Variants in BPTF observed in about 807,000 individuals in gnomAD.
The protein encoded by BPTF is nucleosome-remodeling factor subunit BPTF.
A neutral mutation model predicts 292.5 loss-of-function variants in BPTF; 18 were observed. The ratio of observed to expected loss-of-function variants is 0.06; its 90% CI spans 0.04 to 0.09. The LOEUF (loss-of-function observed/expected upper bound fraction) is 0.09, where lower values mean the gene tolerates loss of function less well. Among genes scored for constraint, BPTF ranks in the 10% least tolerant of loss-of-function variants. The pLI is 1.00. For missense variants in BPTF, 2,726 were observed against 3,498.7 expected (o/e 0.78, Z 5.57); for synonymous variants, 1,225 against 1,251.9 (o/e 0.98, Z 0.45).
chr17:67,911,492 C>T lies in BPTF; in HGVS notation c.3608C>T (p.Pro1203Leu). Residue 1203 changes from proline to leucine, a missense_variant, in exon 11 of 28, where the codon CCC becomes CTC. Around this residue, in one of 22 missense-constraint regions of BPTF, gnomAD observed 713 missense variants for 714.9 expected, o/e 1.00. Transcript: ENST00000306378. ...GACCTTGCCAGTAGAGGCCAGGAAC[C>T]CAGTAAGAGTAAAACAAAAGGAAAT... ...VSDLASRGQE[P>L]SKSKTKGNDF... 6.2e-7 allele frequency: 1 copy of T among 1,613,682 alleles called. No homozygotes were observed. Among genetic ancestry groups the T allele is most frequent in the South Asian group, 1.1e-5 (1 of 91,034 alleles).
At chr17:67,943,810 A>G (rs1263451567) in intron 19 of BPTF, among the ~76,000 whole-genome samples, 1 of 152,238 alleles carries the variant, frequency 6.6e-6, no homozygotes, top group African/African-American at 2.4e-5. Context: ...AAATATGAAT[A>G]TAAGATTATT....
chr17:67,954,313 A>G (rs1235649901), intron 23 of BPTF, among the ~76,000 whole-genome samples: 1 of 152,044 alleles, frequency 6.6e-6, no homozygotes, highest in African/African-American at 2.4e-5. Context: ...GATTACAGGC[A>G]TGAGCCACCG....
intron 1 of BPTF, among the ~76,000 whole-genome samples, chr17:67,837,418 T>G (rs1316953468): frequency 6.6e-6 from 1 of 152,088 alleles, no homozygotes; most frequent in Non-Finnish European, 1.5e-5. Context: ...GTTTTGTTTT[T>G]TTTTTTTGAG....
At chr17:67,857,719 G>A (rs1439898779) in intron 2 of BPTF, among the ~76,000 whole-genome samples, 1 of 151,460 alleles carries the variant, frequency 6.6e-6, no homozygotes, top group African/African-American at 2.4e-5. Flanking sequence ...TGCCCTTCTC[G>A]GCCTCTCAAA....
chr17:67,861,804 A>G (rs2059099028), intron 2 of BPTF, among the ~76,000 whole-genome samples: 1 of 152,332 alleles, frequency 6.6e-6, no homozygotes, highest in East Asian at 1.9e-4. Context: ...ATAAAAAGCA[A>G]ACCAAAGCAC....
chr17:67,945,001 C>T (rs997536738), intron 20 of BPTF, among the ~76,000 whole-genome samples: 2 of 152,054 alleles, frequency 1.3e-5, no homozygotes, highest in African/African-American at 4.8e-5. Context: ...AGGCATAGAC[C>T]TTCTGTACCA....
At chr17:67,941,050 A>C (rs1243084080) in intron 19 of BPTF, among the ~76,000 whole-genome samples, 1 of 152,224 alleles carries the variant, frequency 6.6e-6, no homozygotes, top group Non-Finnish European at 1.5e-5. Context: ...TTTTAGTGAA[A>C]CTTCACAAGC....
intron 23 of BPTF, among the ~76,000 whole-genome samples, chr17:67,952,320 G>A (rs1555678847): frequency 7.1e-6 from 1 of 141,320 alleles, no homozygotes; most frequent in African/African-American, 2.6e-5. Flanking sequence ...GCTGGAGCGT[G>A]TAGGGCCATC....
In BPTF at chr17:67,851,336, A is replaced by T. The variant is rs2058390443; in HGVS notation, c.614-2604A>T. On this transcript the variant is annotated intron_variant, in intron 1 of 27. Coordinates refer to ENST00000306378, the MANE Select transcript of BPTF (RefSeq NM_182641.4). ...AGACTGAAATAGAGATTTCTCTGAA[A>T]CAGTGCTGGATGAACGCCTCAAGGG... 2.6e-5 allele frequency among the ~76,000 whole-genome samples: 4 copies of T among 151,748 alleles called. No homozygotes were observed. The South Asian group carries it at 8.3e-4, about 31-fold the overall frequency.
intron 19 of BPTF, among the ~76,000 whole-genome samples, chr17:67,941,325 C>T (rs960514309): frequency 7.9e-5 from 12 of 152,050 alleles, no homozygotes; most frequent in Admixed American, 3.3e-4. Context: ...TGGTGGCATG[C>T]GCTTGTAATC....
intron 1 of BPTF, among the ~76,000 whole-genome samples, chr17:67,829,393 G>A (rs542616396): frequency 3.3e-5 from 5 of 151,934 alleles, no homozygotes; most frequent in South Asian, 2.1e-4. Context: ...GAACGTGCAG[G>A]TTTGTTGCAT....
At chr17:67,844,341 A>G (rs1199927772) in intron 1 of BPTF, among the ~76,000 whole-genome samples, 2 of 148,950 alleles carry the variant, frequency 1.3e-5, no homozygotes, top group Non-Finnish European at 3.0e-5. Flanking sequence ...TCTATCTCCT[A>G]GGTTCACGCC....
chr17:67,925,698 T>C (rs2063810420), intron 15 of BPTF, among the ~76,000 whole-genome samples: 1 of 152,194 alleles, frequency 6.6e-6, no homozygotes, highest in Non-Finnish European at 1.5e-5. Context: ...AACATAGTTA[T>C]ACATAACTAT....
chr17:67,948,131 A>C lies in BPTF; in HGVS notation c.7751A>C (p.Lys2584Thr). ...VMKYILDKID[K>T]EEKQAAKKRK... Reference sequence around the variant, plus strand: ...AAGTATATTTTGGATAAGATAGATAAAGAAGAAAAACAGGCAGCAAAAAAA... The same window carrying C: ...AAGTATATTTTGGATAAGATAGATACAGAAGAAAAACAGGCAGCAAAAAAA... The change falls in exon 23 of 28, where the codon AAA becomes ACA. Residue 2584 changes from lysine to threonine, a missense_variant. By Grantham distance (78) the Lys-to-Thr change is moderately conservative. Transcript: ENST00000306378. 1 of 1,614,232 alleles carries C rather than the reference A, an allele frequency of 6.2e-7. No individual in the cohort carries two copies. The highest frequency in any genetic ancestry group is 8.5e-7 in the Non-Finnish European group (1 of 1,180,028).
intron 11 of BPTF, among the ~76,000 whole-genome samples, chr17:67,916,195 G>A (rs1436831374): frequency 6.6e-6 from 1 of 152,202 alleles, no homozygotes; most frequent in African/African-American, 2.4e-5. Flanking sequence ...ACACAGTGGA[G>A]AAAGTAATGG....
chr17:67,933,394 A>AC (rs1269689753), intron 18 of BPTF, among the ~76,000 whole-genome samples: 1 of 151,812 alleles, frequency 6.6e-6, no homozygotes, highest in Non-Finnish European at 1.5e-5. Flanking sequence ...ACATAGGGAG[A>AC]CCCCATCTCT....
At chr17:67,944,462 T>G in intron 20 of BPTF, 90 bp downstream of exon 20, 1 of 1,430,082 alleles carries the variant, frequency 7.0e-7, no homozygotes, top group Non-Finnish European at 9.6e-7. Context: ...GTATTTACCT[T>G]TGGAAGGATA....
intron 26 of BPTF, among the ~76,000 whole-genome samples, chr17:67,969,020 G>C (rs1328284375): frequency 6.6e-6 from 1 of 151,120 alleles, no homozygotes; most frequent in African/African-American, 2.5e-5. Context: ...AAAGAAGATA[G>C]GCCAGGCACA....
intron 1 of BPTF, among the ~76,000 whole-genome samples, chr17:67,849,024 C>G (rs1405040582): frequency 6.6e-6 from 1 of 152,192 alleles, no homozygotes; most frequent in Non-Finnish European, 1.5e-5. Context: ...CTTCAGCTTC[C>G]CTTTGCATCA....
Sources: allele counts gnomAD v4.1 joint callset (sites outside exome capture counted in the v4.1 genomes callset), GRCh38; gene constraint gnomAD v4.1.1; regional missense constraint gnomAD v4.1.1; transcripts MANE v1.5; gene names NCBI Gene and HGNC (gene_info 2026-07-23, HGNC 2026-07-21).